The following TRAPPC9 variants were observed in gnomAD, a reference collection of about 807,000 sequenced individuals.
The protein encoded by TRAPPC9 is IKK2 binding protein.
TRAPPC9 carries 83 observed loss-of-function variants against 124.0 expected under a neutral mutation model. That is an observed-to-expected ratio of 0.67 (90% CI 0.56 to 0.80). The LOEUF (loss-of-function observed/expected upper bound fraction) is 0.80, where lower values mean the gene tolerates loss of function less well. TRAPPC9 is among the 30% of genes least tolerant of loss of function. TRAPPC9 has a pLI of 0.00. For missense variants in TRAPPC9, 1,302 were observed against 1,508.3 expected (o/e 0.86, Z 2.27); for synonymous variants, 638 against 617.5 (o/e 1.03, Z -0.49).
At chr8:140,214,058 C>T (rs191182265) in intron 17 of TRAPPC9, among the ~76,000 whole-genome samples, 163 of 152,376 alleles carry the variant, frequency 1.1e-3, no homozygotes, top group Non-Finnish European at 1.9e-3. Context: ...ATGCCTTCAA[C>T]AGGCAAAGCC....
chr8:139,821,410 T>C (rs1825243863), intron 21 of TRAPPC9, among the ~76,000 whole-genome samples: 1 of 152,238 alleles, frequency 6.6e-6, no homozygotes, highest in Non-Finnish European at 1.5e-5. Context: ...GAGAGTATGC[T>C]GTGGCACAGG....
At chr8:139,743,540 A>G (rs2130099830) in intron 21 of TRAPPC9, among the ~76,000 whole-genome samples, 1 of 152,360 alleles carries the variant, frequency 6.6e-6, no homozygotes, top group African/African-American at 2.4e-5. Context: ...TCTAGTTGAC[A>G]TAAATCTTGG....
At chr8:139,871,903 G>T (rs1451645547) in intron 21 of TRAPPC9, among the ~76,000 whole-genome samples, 1 of 151,210 alleles carries the variant, frequency 6.6e-6, no homozygotes, top group African/African-American at 2.4e-5. Context: ...GGATGGGTGA[G>T]TGGGAGCAGA....
intron 21 of TRAPPC9, among the ~76,000 whole-genome samples, chr8:139,843,890 C>T (rs1826896241): frequency 6.6e-6 from 1 of 152,218 alleles, no homozygotes; most frequent in South Asian, 2.1e-4. Context: ...CGCTGATTCA[C>T]CAGAGCAGCC....
chr8:140,356,276 T>C (rs1588207519), intron 9 of TRAPPC9, among the ~76,000 whole-genome samples: 1 of 152,344 alleles, frequency 6.6e-6, no homozygotes, highest in African/African-American at 2.4e-5. Flanking sequence ...GGCCATTTCA[T>C]GGACACACGT....
chr8:140,148,676 G>A (rs80081209), intron 17 of TRAPPC9, among the ~76,000 whole-genome samples: 4,154 of 152,150 alleles, frequency 0.027, 182 homozygotes, highest in African/African-American at 0.093. Context: ...TTTCCTTTCC[G>A]GTATGCCTTC....
chr8:139,766,739 A>G (rs918452192), intron 21 of TRAPPC9, among the ~76,000 whole-genome samples: 5 of 152,116 alleles, frequency 3.3e-5, no homozygotes, highest in Admixed American at 1.3e-4. Context: ...CACTGGAGGG[A>G]GACAACAGAT....
chr8:139,768,262 A>G (rs1055454653), intron 21 of TRAPPC9, among the ~76,000 whole-genome samples: 6 of 152,278 alleles, frequency 3.9e-5, no homozygotes, highest in African/African-American at 1.4e-4. Flanking sequence ...TAAAGGAGGC[A>G]GTCATTTACT....
At chr8:140,028,375 A>C (rs1840285384) in intron 17 of TRAPPC9, among the ~76,000 whole-genome samples, 1 of 152,238 alleles carries the variant, frequency 6.6e-6, no homozygotes, top group African/African-American at 2.4e-5. Context: ...TCCAGCTAAC[A>C]TGAAAGGCCT....
chr8:140,364,350 T>C (rs1241551455), intron 8 of TRAPPC9, among the ~76,000 whole-genome samples: 11 of 149,376 alleles, frequency 7.4e-5, no homozygotes, highest in African/African-American at 2.5e-4. Flanking sequence ...CTGAAGTCTC[T>C]CAAAAGCACA....
intron 10 of TRAPPC9, among the ~76,000 whole-genome samples, chr8:140,301,020 C>T (rs776152972): frequency 1.4e-4 from 21 of 152,172 alleles, no homozygotes; most frequent in Non-Finnish European, 2.5e-4. Flanking sequence ...TCCCCATGGA[C>T]CCATGGGGAG....
chr8:139,818,819 C>T (rs1825045833), intron 21 of TRAPPC9, among the ~76,000 whole-genome samples: 1 of 152,228 alleles, frequency 6.6e-6, no homozygotes, highest in Non-Finnish European at 1.5e-5. Context: ...CAAAGCCCTT[C>T]CCCATTCTAT....
intron 5 of TRAPPC9, among the ~76,000 whole-genome samples, chr8:140,422,449 A>T (rs770226550): frequency 1.2e-4 from 18 of 152,188 alleles, no homozygotes; most frequent in Non-Finnish European, 2.4e-4. Flanking sequence ...ACTCATATAT[A>T]GAATATATAA....
In TRAPPC9 at chr8:139,973,523, A is replaced by G. The variant is rs139149917; in HGVS notation, c.2810+15203T>C. The stretch of plus-strand genomic sequence containing the variant: ...CCAAGACCTGACGTGGACAGGGGGC[A>G]AACTGAAAAAGTTGAAATGTTCCAC... On this transcript the variant is annotated intron_variant, in intron 19 of 22. Coordinates refer to ENST00000438773, the MANE Select transcript of TRAPPC9 (RefSeq NM_001160372.4). 2.4e-4 allele frequency among the ~76,000 whole-genome samples: 36 copies of G among 152,392 alleles called. No individual in the cohort carries two copies. In the East Asian group the frequency reaches 2.7e-3, roughly 11 times the overall value.
At chr8:139,915,592 C>G (rs1318660435) in intron 19 of TRAPPC9, among the ~76,000 whole-genome samples, 1 of 152,170 alleles carries the variant, frequency 6.6e-6, no homozygotes, top group Non-Finnish European at 1.5e-5. Context: ...GAGGACAAGG[C>G]GTATTACCCG....
intron 7 of TRAPPC9, among the ~76,000 whole-genome samples, chr8:140,377,523 T>A (rs760699278): frequency 1.3e-5 from 2 of 152,118 alleles, no homozygotes; most frequent in Non-Finnish European, 2.9e-5. Flanking sequence ...GGTCTCAAAC[T>A]CCTGACCTCA....
intron 17 of TRAPPC9, among the ~76,000 whole-genome samples, chr8:140,042,410 G>T (rs986177074): frequency 4.6e-5 from 7 of 152,220 alleles, no homozygotes; most frequent in Non-Finnish European, 8.8e-5. Flanking sequence ...AATGTGTAAA[G>T]GAGGCAGCCA....
At chr8:140,416,555 A>G (rs879788601) in intron 5 of TRAPPC9, among the ~76,000 whole-genome samples, 1 of 152,214 alleles carries the variant, frequency 6.6e-6, no homozygotes, top group African/African-American at 2.4e-5. Context: ...ACCACTGCTC[A>G]ACAAAATAAA....
chr8:139,988,612 G>A (rs1837413635), intron 19 of TRAPPC9, 114 bp downstream of exon 19: 3 of 735,768 alleles, frequency 4.1e-6, no homozygotes, highest in Admixed American at 2.0e-5. Flanking sequence ...CTGAAAGGGA[G>A]ACAAACTGCC....
Sources: allele counts gnomAD v4.1 joint callset (sites outside exome capture counted in the v4.1 genomes callset), GRCh38; gene constraint gnomAD v4.1.1; transcripts MANE v1.5; gene names NCBI Gene and HGNC (gene_info 2026-07-23, HGNC 2026-07-21).